ADAMTS2: variants seen among roughly 807,000 people sequenced by gnomAD.
ADAMTS2 encodes A disintegrin and metalloproteinase with thrombospondin motifs 2.
Under a neutral mutation model 123.0 loss-of-function variants are expected in ADAMTS2, and 50 were observed. That is an observed-to-expected ratio of 0.41 (90% CI 0.32 to 0.51). The LOEUF is 0.51. ADAMTS2 is among the 20% of genes least tolerant of loss of function. The pLI, the probability that ADAMTS2 is intolerant of heterozygous loss-of-function variation, is 0.35. For missense variants in ADAMTS2, 1,494 were observed against 1,705.2 expected (o/e 0.88, Z 2.18); for synonymous variants, 678 against 695.4 (o/e 0.98, Z 0.39).
Position 179,234,459 on chromosome 5 carries a change from C to T in ADAMTS2, c.689-26744G>A, listed in dbSNP as rs1269970884. Among the ~76,000 whole-genome samples, 3 of 152,082 alleles carry T rather than the reference C, an allele frequency of 2.0e-5. No homozygotes were observed. Among genetic ancestry groups the T allele is most frequent in the African/African-American group, 7.2e-5 (3 of 41,394 alleles). ...GCTTCACCCTCGCTCTCCTCTCTGCCTGCTCCACACCTGCTGCTTTGACCT... is the reference window on the plus strand; with the variant it reads ...GCTTCACCCTCGCTCTCCTCTCTGCTTGCTCCACACCTGCTGCTTTGACCT... On this transcript the variant is annotated intron_variant, in intron 3 of 21. Coordinates refer to ENST00000251582, the MANE Select transcript of ADAMTS2 (RefSeq NM_014244.5). This position sits in a 1 kb window ranked among gnomAD's most constrained non-coding sequence, Gnocchi z 4.7.
intron 3 of ADAMTS2, among the ~76,000 whole-genome samples, chr5:179,271,906 C>G (rs546149528): frequency 2.0e-5 from 3 of 152,248 alleles, no homozygotes; most frequent in South Asian, 2.1e-4. Flanking sequence ...AATCACAGCA[C>G]GGGGGCTGGC....
At chr5:179,315,920 G>C (rs745802784) in intron 2 of ADAMTS2, among the ~76,000 whole-genome samples, 27 of 152,244 alleles carry the variant, frequency 1.8e-4, no homozygotes, top group Non-Finnish European at 5.9e-5. Flanking sequence ...TCCCAGAAGA[G>C]AGTCGGGGAG....
Position 179,118,603 on chromosome 5 carries a change from T to C in ADAMTS2, c.3178+3058A>G, listed in dbSNP as rs1762702369. Reference sequence around the variant, plus strand: ...TCCTTTTTACACTTAAAATTTGTTTTAGAAGACCTTATACTATTACCACTC... The same window carrying C: ...TCCTTTTTACACTTAAAATTTGTTTCAGAAGACCTTATACTATTACCACTC... On this transcript the variant is annotated intron_variant, in intron 21 of 21. Coordinates refer to ENST00000251582, the MANE Select transcript of ADAMTS2 (RefSeq NM_014244.5). The surrounding 1 kb of genome is among the most constrained non-coding windows in gnomAD (Gnocchi z 4.5). Among the ~76,000 whole-genome samples the C allele has an allele frequency of 2.6e-5, 4 of 152,244 alleles. No homozygotes were observed. The South Asian group carries it at 8.3e-4, about 32-fold the overall frequency.
intron 2 of ADAMTS2, among the ~76,000 whole-genome samples, chr5:179,288,701 G>C (rs531533865): frequency 6.6e-6 from 1 of 152,352 alleles, no homozygotes; most frequent in East Asian, 1.9e-4. Flanking sequence ...ATGACCAAAG[G>C]CGCCGTATCC....
At chr5:179,121,334 G>A (rs542814181) in intron 21 of ADAMTS2, 12 of 191,044 alleles carry the variant, frequency 6.3e-5, no homozygotes, top group African/African-American at 2.1e-4. Flanking sequence ...GCGAGACCGC[G>A]AACCCCCCCG....
Position 179,264,858 on chromosome 5 carries a change from C to G in ADAMTS2, c.688+8053G>C, listed in dbSNP as rs150564176. Among the ~76,000 whole-genome samples, 712 of 144,906 alleles carry G rather than the reference C, an allele frequency of 4.9e-3. 8 individuals are homozygous for G. Among genetic ancestry groups the G allele is most frequent in the African/African-American group, 0.017 (683 of 40,042 alleles). ...AGCTGCTCTGGGCCCCTTAGTGAGC[C>G]AGAACAACAGCATGTCGGGTGGAGC... On this transcript the variant is annotated intron_variant, in intron 3 of 21. Coordinates refer to ENST00000251582, the MANE Select transcript of ADAMTS2 (RefSeq NM_014244.5).
chr5:179,218,203 G>A lies in ADAMTS2; in HGVS notation c.689-10488C>T, dbSNP rs113871315. 2.3e-3 allele frequency among the ~76,000 whole-genome samples: 343 copies of A among 152,272 alleles called. 1 individual carries two copies. The highest frequency in any genetic ancestry group is 3.9e-3 in the Non-Finnish European group (262 of 68,014). On this transcript the variant is annotated intron_variant, in intron 3 of 21. Coordinates refer to ENST00000251582, the MANE Select transcript of ADAMTS2 (RefSeq NM_014244.5). ...CCAGGGCCTGCAGGGGCCACCACCA[G>A]GCTCAGGAGGACCAAAGCCTGGAGC...
chr5:179,210,830 T>C (rs1764833183), intron 3 of ADAMTS2, among the ~76,000 whole-genome samples: 1 of 152,114 alleles, frequency 6.6e-6, no homozygotes, highest in African/African-American at 2.4e-5. Flanking sequence ...CAATCACGAG[T>C]GCCACCTCAG....
chr5:179,214,188 C>G (rs1764923794), intron 3 of ADAMTS2, among the ~76,000 whole-genome samples: 1 of 90,054 alleles, frequency 1.1e-5, no homozygotes, highest in African/African-American at 3.8e-5. Flanking sequence ...ATCGTGCTCA[C>G]AGTCACCATT....
rs1385339031 is a variant in ADAMTS2, at chr5:179,180,905, G to A, written c.975+167C>T. Among the ~76,000 whole-genome samples the A allele has an allele frequency of 6.6e-6, 1 of 152,162 alleles. No homozygotes were observed. Among genetic ancestry groups the A allele is most frequent in the Non-Finnish European group, 1.5e-5 (1 of 68,038 alleles). On this transcript the variant is annotated intron_variant, in intron 5 of 21. Coordinates refer to ENST00000251582, the MANE Select transcript of ADAMTS2 (RefSeq NM_014244.5). This position sits in a 1 kb window ranked among gnomAD's most constrained non-coding sequence, Gnocchi z 4.6. ...TAATGGCCACATTTTAAAACAAGGGGTGAAAGGGAGCAGGGATCTTGTTTC... is the reference window on the plus strand; with the variant it reads ...TAATGGCCACATTTTAAAACAAGGGATGAAAGGGAGCAGGGATCTTGTTTC...
At chr5:179,157,319 G>T (rs978324860) in intron 6 of ADAMTS2, among the ~76,000 whole-genome samples, 4 of 152,186 alleles carry the variant, frequency 2.6e-5, no homozygotes, top group Admixed American at 6.5e-5. Context: ...CCTCCTAGGG[G>T]ATAGCTCTGC....
At chr5:179,207,946 C>T (rs1013694486) in intron 3 of ADAMTS2, among the ~76,000 whole-genome samples, 16 of 152,120 alleles carry the variant, frequency 1.1e-4, no homozygotes, top group South Asian at 4.1e-4. Flanking sequence ...CAGGACCGCT[C>T]GTTCCCCAGC....
Position 179,234,076 on chromosome 5 carries a change from G to C in ADAMTS2, c.689-26361C>G, listed in dbSNP as rs536397910. On this transcript the variant is annotated intron_variant, in intron 3 of 21. Coordinates refer to ENST00000251582, the MANE Select transcript of ADAMTS2 (RefSeq NM_014244.5). The surrounding 1 kb of genome is among the most constrained non-coding windows in gnomAD (Gnocchi z 4.7). ...AGGCCCTTCCACAGCCCGACTCCCCGTGGACTCTGCAGGTTTCCTAATGTC... is the reference window on the plus strand; with the variant it reads ...AGGCCCTTCCACAGCCCGACTCCCCCTGGACTCTGCAGGTTTCCTAATGTC... 1.2e-3 allele frequency among the ~76,000 whole-genome samples: 181 copies of C among 152,248 alleles called. No individual in the cohort carries two copies. The highest frequency in any genetic ancestry group is 2.0e-3 in the Non-Finnish European group (139 of 68,000).
Position 179,256,716 on chromosome 5 carries a change from C to A in ADAMTS2, c.688+16195G>T, listed in dbSNP as rs1460177956. Among the ~76,000 whole-genome samples, 1 of 152,210 alleles carries A rather than the reference C, an allele frequency of 6.6e-6. No individual in the cohort carries two copies. Among genetic ancestry groups the A allele is most frequent in the Non-Finnish European group, 1.5e-5 (1 of 68,040 alleles). ...TCCAGAGGAGGCACAGAGCCTCCCACCCAGTGCTGCTGGCAGGAACACGCC... is the reference window on the plus strand; with the variant it reads ...TCCAGAGGAGGCACAGAGCCTCCCAACCAGTGCTGCTGGCAGGAACACGCC... On this transcript the variant is annotated intron_variant, in intron 3 of 21. Transcript: ENST00000251582. This position sits in a 1 kb window ranked among gnomAD's most constrained non-coding sequence, Gnocchi z 4.1.
Position 179,128,793 on chromosome 5 carries a change from C to T in ADAMTS2, c.2458-675G>A, listed in dbSNP as rs188526639. ...CACTGCAGCCCATGCCTGAACGAAG[C>T]TTATTCAACACATGTATTTTCTTCT... On this transcript the variant is annotated intron_variant, in intron 16 of 21. Transcript: ENST00000251582. This position sits in a 1 kb window ranked among gnomAD's most constrained non-coding sequence, Gnocchi z 4.9. 7.0e-4 allele frequency among the ~76,000 whole-genome samples: 107 copies of T among 152,316 alleles called. No homozygotes were observed. The highest frequency in any genetic ancestry group is 2.5e-3 in the African/African-American group (103 of 41,572).
At chr5:179,191,862 A>G (rs1764314088) in intron 4 of ADAMTS2, among the ~76,000 whole-genome samples, 3 of 151,998 alleles carry the variant, frequency 2.0e-5, no homozygotes, top group African/African-American at 7.3e-5. Context: ...CAGGCAGCAC[A>G]TGGATGCCCC....
chr5:179,331,949 T>C (rs1757495909), intron 2 of ADAMTS2, among the ~76,000 whole-genome samples: 1 of 152,212 alleles, frequency 6.6e-6, no homozygotes. Context: ...GGTTAAGGCC[T>C]CAGTCCCACA....
chr5:179,338,941 GTGGGGAGAGCCACGTGACTTGAGTA>G (rs1404609017), intron 2 of ADAMTS2, among the ~76,000 whole-genome samples: 1 of 152,104 alleles, frequency 6.6e-6, no homozygotes, highest in Non-Finnish European at 1.5e-5. Flanking sequence ...CTGGAGGAGA[GTGGGGAGAGCCACGTGACTTGAGTA>G]TGGGGTCATC....
intron 10 of ADAMTS2, among the ~76,000 whole-genome samples, chr5:179,144,289 A>G (rs1252538272): frequency 1.3e-5 from 2 of 152,248 alleles, no homozygotes; most frequent in Non-Finnish European, 2.9e-5. Flanking sequence ...TTCAAGTTCT[A>G]AGTAAATGGA....
Sources: allele counts gnomAD v4.1 joint callset (sites outside exome capture counted in the v4.1 genomes callset), GRCh38; gene constraint gnomAD v4.1.1; non-coding constraint Gnocchi (gnomAD v3.1); transcripts MANE v1.5; gene names NCBI Gene and HGNC (gene_info 2026-07-23, HGNC 2026-07-21).